PCDHA8: variants seen among roughly 807,000 people sequenced by gnomAD.
The protein encoded by PCDHA8 is protocadherin alpha 8.
In PCDHA8, 53 loss-of-function variants were observed where a neutral mutation model predicts 61.8. That is an observed-to-expected ratio of 0.86 (90% CI 0.69 to 1.08). The LOEUF is 1.08. Among genes scored for constraint, PCDHA8 ranks in the 50% least tolerant of loss-of-function variants. PCDHA8 has a pLI of 0.00. For synonymous variants in PCDHA8, 618 were observed against 556.6 expected, an observed-to-expected ratio of 1.11 and a Z score of -1.55; for missense variants, 1,293 against 1,245.0, an observed-to-expected ratio of 1.04 and a Z score of -0.58.
At chr5:140,853,843 C>T (rs2042882869) in intron 1 of PCDHA8, 1 of 986,310 alleles carries the variant, frequency 1.0e-6, no homozygotes, top group African/African-American at 1.8e-5. Flanking sequence ...ATTTTAGATC[C>T]ATAGCCCTAT....
At chr5:140,906,502 CAAAG>C (rs1295778527) in intron 1 of PCDHA8, among the ~76,000 whole-genome samples, 1 of 152,180 alleles carries the variant, frequency 6.6e-6, no homozygotes, top group African/African-American at 2.4e-5. Context: ...ATGTTTTTAA[CAAAG>C]AAGGAGGAAA....
intron 1 of PCDHA8, chr5:140,848,738 T>G (rs2150419097): frequency 6.3e-7 from 1 of 1,592,918 alleles, no homozygotes; most frequent in South Asian, 1.1e-5. Context: ...ATCTGCAGAA[T>G]GGCATTTTGT....
intron 1 of PCDHA8, chr5:140,860,474 TA>T (rs1293657242): frequency 6.6e-6 from 1 of 152,154 alleles, no homozygotes; most frequent in African/African-American, 2.4e-5. Context: ...GTTGGTGCAG[TA>T]GTACTTTATT....
At chr5:140,927,475 C>A in intron 1 of PCDHA8, 1 of 1,614,110 alleles carries the variant, frequency 6.2e-7, no homozygotes, top group Non-Finnish European at 8.5e-7. Flanking sequence ...GGATCGCGAA[C>A]AGCGCGCCAC....
Position 140,843,227 on chromosome 5 carries a change from G to A in PCDHA8, c.1906G>A (p.Val636Ile). 6.3e-7 allele frequency: 1 copy of A among 1,596,116 alleles called. No homozygotes were observed. The highest frequency in any genetic ancestry group is 8.6e-7 in the Non-Finnish European group (1 of 1,165,626). Residue 636 changes from valine (V) to isoleucine (I), a missense_variant, in exon 1 of 4, where the codon GTC (valine) becomes ATC (isoleucine). Val to Ile is a conservative substitution (Grantham distance 29, BLOSUM62 3). Coordinates refer to ENST00000531613, the MANE Select transcript of PCDHA8 (RefSeq NM_018911.3). ...CACGGGCGAGATCAGCACCACTCGT[G>A]TCCTGGACGAAGCGGACTCTCCGCG... ...LYTGEISTTR[V>I]LDEADSPRHR... is the part of the protein sequence containing the mutation.
intron 1 of PCDHA8, among the ~76,000 whole-genome samples, chr5:140,939,008 T>C (rs1348323675): frequency 6.6e-6 from 1 of 152,234 alleles, no homozygotes; most frequent in Non-Finnish European, 1.5e-5. Context: ...TTAAGAAGTG[T>C]TACTTTTCTT....
At chr5:140,885,486 T>C (rs1420709904) in intron 1 of PCDHA8, among the ~76,000 whole-genome samples, 2 of 152,188 alleles carry the variant, frequency 1.3e-5, no homozygotes, top group Non-Finnish European at 2.9e-5. Context: ...TGTCAAGTGT[T>C]CTGTTATCTT....
intron 1 of PCDHA8, among the ~76,000 whole-genome samples, chr5:140,952,271 G>A (rs561917046): frequency 6.6e-6 from 1 of 151,646 alleles, no homozygotes; most frequent in East Asian, 2.0e-4. Flanking sequence ...CTGGGGTCTT[G>A]AGGGTGGTGG....
chr5:140,973,388 G>T (rs1192097180), intron 1 of PCDHA8, among the ~76,000 whole-genome samples: 4 of 152,202 alleles, frequency 2.6e-5, no homozygotes, highest in South Asian at 4.1e-4. Flanking sequence ...AATAGACAAA[G>T]AAATCATATC....
chr5:140,983,239 C>CCTGCTAAGTTGTGTAAAAAA (rs1261909895), intron 3 of PCDHA8, among the ~76,000 whole-genome samples: 1 of 152,176 alleles, frequency 6.6e-6, no homozygotes, highest in Non-Finnish European at 1.5e-5. Flanking sequence ...GGAAAGAGAA[C>CCTGCTAAGTTGTGTAAAAAA]CTGCTAAGTT....
intron 1 of PCDHA8, among the ~76,000 whole-genome samples, chr5:140,972,657 CA>C (rs1342092810): frequency 2.8e-5 from 4 of 143,798 alleles, no homozygotes; most frequent in South Asian, 4.5e-4. Context: ...AAAAAGAAAC[CA>C]AATTTTTTTT....
At position 140,878,940 on chromosome 5, in the gene PCDHA8, A is replaced by G. The variant is rs554609702; in HGVS notation, c.2394+35225A>G. ...CTTCAATCAATAATTTTAAATAAATATATGGTATTGAAATGTATTACCTGG... is the reference window on the plus strand; with the variant it reads ...CTTCAATCAATAATTTTAAATAAATGTATGGTATTGAAATGTATTACCTGG... On this transcript the variant is annotated intron_variant, in intron 1 of 3. Transcript: ENST00000531613. 9.8e-5 allele frequency among the ~76,000 whole-genome samples: 15 copies of G among 152,366 alleles called. No individual in the cohort carries two copies. In the East Asian group the frequency reaches 2.3e-3, roughly 23 times the overall value.
chr5:140,841,888 T>G lies in PCDHA8; in HGVS notation c.567T>G (p.Asn189Lys). 1 of 1,613,782 alleles carries G rather than the reference T, an allele frequency of 6.2e-7. No individual in the cohort carries two copies. Among genetic ancestry groups the G allele is most frequent in the East Asian group, 2.2e-5 (1 of 44,872 alleles). The change falls in exon 1 of 4, where the codon AAT becomes AAG. Residue 189 changes from asparagine to lysine, a missense_variant. By Grantham distance (94) the Asn-to-Lys change is moderately conservative. Coordinates refer to ENST00000531613, the MANE Select transcript of PCDHA8 (RefSeq NM_018911.3). ...ATGTGAATTCAAAGAACGATGAGAA[T>G]AAACTGGTTGAGCTCGTATTAAGAA... ...MLDVNSKNDENKLVELVLRKS... is the reference protein window; with the variant it reads ...MLDVNSKNDEKKLVELVLRKS...
At chr5:140,857,771 GCAGT>G in intron 1 of PCDHA8, 1 of 1,597,658 alleles carries the variant, frequency 6.3e-7, no homozygotes, top group Non-Finnish European at 8.6e-7. Context: ...CGCGGGCGGT[GCAGT>G]CAGTGAGCTG....
chr5:140,927,459 A>G (rs2084222098), intron 1 of PCDHA8: 1 of 1,614,018 alleles, frequency 6.2e-7, no homozygotes, highest in Non-Finnish European at 8.5e-7. Flanking sequence ...TGTTGGAGAA[A>G]GCACTGGATC....
In PCDHA8 at chr5:140,844,771, C is replaced by A. The variant is rs1035379460; in HGVS notation, c.2394+1056C>A. 3.4e-5 allele frequency among the ~76,000 whole-genome samples: 5 copies of A among 149,070 alleles called. 1 individual carries two copies. Among genetic ancestry groups the A allele is most frequent in the African/African-American group, 7.4e-5 (3 of 40,720 alleles). On this transcript the variant is annotated intron_variant, in intron 1 of 3. Coordinates refer to ENST00000531613, the MANE Select transcript of PCDHA8 (RefSeq NM_018911.3). Reference sequence around the variant, plus strand: ...ATAAATCTTTGAAAAATCCAAGATACTTTATTTTGGTATCTTTCAACATTT... The same window carrying A: ...ATAAATCTTTGAAAAATCCAAGATAATTTATTTTGGTATCTTTCAACATTT...
At chr5:140,955,989 A>C (rs2095245782) in intron 1 of PCDHA8, among the ~76,000 whole-genome samples, 1 of 152,172 alleles carries the variant, frequency 6.6e-6, no homozygotes, top group Non-Finnish European at 1.5e-5. Flanking sequence ...ATTTTTGCAC[A>C]TTGATTTTGT....
intron 1 of PCDHA8, among the ~76,000 whole-genome samples, chr5:140,878,958 T>C (rs2057789754): frequency 6.6e-6 from 1 of 152,208 alleles, no homozygotes; most frequent in Admixed American, 6.5e-5. Context: ...TTGAAATGTA[T>C]TACCTGGACA....
Position 141,010,268 on chromosome 5 carries a change from A to T in PCDHA8, c.*331A>T. 1 of 1,551,622 alleles carries T rather than the reference A, an allele frequency of 6.4e-7. No homozygotes were observed. Among genetic ancestry groups the T allele is most frequent in the Non-Finnish European group, 8.7e-7 (1 of 1,146,964 alleles). On this transcript the variant is annotated 3_prime_UTR_variant, in exon 4 of 4. Coordinates refer to ENST00000531613, the MANE Select transcript of PCDHA8 (RefSeq NM_018911.3). ...GGACTCTCTGCCCTGTGCTCCGGGG[A>T]TCCTGTCTTGATGACACTTGCAGGG...
Sources: gnomAD v4.1 joint callset for allele counts (sites outside exome capture counted in the v4.1 genomes callset) on GRCh38, gnomAD v4.1.1 for gene constraint, MANE v1.5 for transcripts, NCBI Gene and HGNC (gene_info 2026-07-23, HGNC 2026-07-21) for gene names.